Variants in DSCAM observed in about 807,000 individuals in gnomAD.
DSCAM encodes the protein cell adhesion molecule DSCAM.
A neutral mutation model predicts 217.7 loss-of-function variants in DSCAM; 47 were observed. The ratio of observed to expected loss-of-function variants is 0.22; its 90% CI spans 0.17 to 0.28. DSCAM has a LOEUF of 0.28. Among genes scored for constraint, DSCAM ranks in the 10% least tolerant of loss-of-function variants. The pLI is 1.00. For synonymous variants in DSCAM, 1,056 were observed against 1,015.3 expected (o/e 1.04, Z -0.76); for missense variants, 2,080 against 2,618.3 (o/e 0.79, Z 4.49).
intron 1 of DSCAM, among the ~76,000 whole-genome samples, chr21:40,838,835 T>C (rs959075154): frequency 6.6e-6 from 1 of 152,218 alleles, no homozygotes; most frequent in South Asian, 2.1e-4. Context: ...CATCATCTTC[T>C]AGGGCAGGTC....
intron 16 of DSCAM, among the ~76,000 whole-genome samples, chr21:40,158,393 C>CAAAACA (rs1008300894): frequency 3.3e-5 from 5 of 150,538 alleles, no homozygotes; most frequent in Admixed American, 3.3e-4. Context: ...GACCCTGTCT[C>CAAAACA]AAAACAAAAA....
chr21:40,652,889 G>A (rs1233866630), intron 3 of DSCAM, among the ~76,000 whole-genome samples: 1 of 152,168 alleles, frequency 6.6e-6, no homozygotes, highest in African/African-American at 2.4e-5. Flanking sequence ...AACCTCTGGA[G>A]GAGGGGTTGG....
intron 3 of DSCAM, among the ~76,000 whole-genome samples, chr21:40,564,627 T>C (rs1187217314): frequency 1.3e-5 from 2 of 152,150 alleles, no homozygotes; most frequent in Admixed American, 1.3e-4. Flanking sequence ...AGCCACTTTG[T>C]TCCTTTCTCT....
intron 15 of DSCAM, among the ~76,000 whole-genome samples, chr21:40,171,164 A>G (rs1483659536): frequency 6.6e-6 from 1 of 152,112 alleles, no homozygotes; most frequent in Non-Finnish European, 1.5e-5. Context: ...TGCAACCTCT[A>G]CCGCCCAGGT....
intron 1 of DSCAM, among the ~76,000 whole-genome samples, chr21:40,731,548 C>G (rs1207791577): frequency 6.6e-6 from 1 of 152,090 alleles, no homozygotes; most frequent in Non-Finnish European, 1.5e-5. Flanking sequence ...GCAGTATCCA[C>G]AGGGTTGGTT....
chr21:40,637,624 C>CTATATAT (rs1265414818), intron 3 of DSCAM, among the ~76,000 whole-genome samples: 8 of 33,298 alleles, frequency 2.4e-4, no homozygotes, highest in African/African-American at 6.5e-4. Context: ...TAAATATATA[C>CTATATAT]ATATATAAAT....
chr21:40,425,669 CAAAA>C (rs34174337), intron 3 of DSCAM, among the ~76,000 whole-genome samples: 13 of 68,996 alleles, frequency 1.9e-4, no homozygotes, highest in Non-Finnish European at 2.4e-4. Context: ...ACTCGGTGTC[CAAAA>C]AAAAAAAAAA....
At chr21:40,518,561 C>T in intron 3 of DSCAM, among the ~76,000 whole-genome samples, 5 of 78,302 alleles carry the variant, frequency 6.4e-5, no homozygotes, top group African/African-American at 3.3e-4. Context: ...CATATACACA[C>T]ACACATATAT....
chr21:40,507,882 AC>A (rs2076222244), intron 3 of DSCAM, among the ~76,000 whole-genome samples: 3 of 152,026 alleles, frequency 2.0e-5, no homozygotes, highest in Admixed American at 2.0e-4. Flanking sequence ...CTTTCTCTGT[AC>A]CCCCTCGCCC....
Position 40,338,157 on chromosome 21 carries a change from T to C in DSCAM, c.1727A>G (p.Asn576Ser), listed in dbSNP as rs1263782345. 2 of 1,614,134 alleles carry C rather than the reference T, an allele frequency of 1.2e-6. No individual in the cohort carries two copies. Among genetic ancestry groups the C allele is most frequent in the African/African-American group, 2.7e-5 (2 of 74,952 alleles). ...GGAGAGTTGTGGTTGAACCAACACG[T>C]TGCACGTGTACTCCCCCTCGTCCAC... ...KEVDEGEYTCNVLVQPQLSTS... is the reference protein window; with the variant it reads ...KEVDEGEYTCSVLVQPQLSTS... Residue 576 changes from asparagine (N) to serine (S), a missense_variant, in exon 8 of 33, where the codon AAC becomes AGC. Asn to Ser is a conservative substitution (Grantham distance 46). This residue lies in a region of DSCAM where 218 missense variants were observed against 364.1 expected (regional missense o/e 0.60). Transcript: ENST00000400454.
chr21:40,075,496 G>A (rs182541958), intron 26 of DSCAM, among the ~76,000 whole-genome samples: 1 of 152,266 alleles, frequency 6.6e-6, no homozygotes, highest in East Asian at 1.9e-4. Context: ...CCCAGGCTTG[G>A]TGCTGACAAA....
At chr21:40,209,671 G>A (rs2091163380) in intron 11 of DSCAM, among the ~76,000 whole-genome samples, 1 of 151,988 alleles carries the variant, frequency 6.6e-6, no homozygotes, top group Admixed American at 6.6e-5. Flanking sequence ...TGGATTCCAG[G>A]TCCCCAAGGC....
chr21:40,646,781 C>T (rs1276399857), intron 3 of DSCAM, among the ~76,000 whole-genome samples: 1 of 152,202 alleles, frequency 6.6e-6, no homozygotes, highest in Non-Finnish European at 1.5e-5. Context: ...ACTCTTGTTT[C>T]CAATCTCTTC....
intron 2 of DSCAM, among the ~76,000 whole-genome samples, chr21:40,705,944 G>A (rs530315644): frequency 6.6e-6 from 1 of 152,294 alleles, no homozygotes; most frequent in African/African-American, 2.4e-5. Context: ...ACTTTGGGAG[G>A]CCGAGGTGGG....
intron 1 of DSCAM, among the ~76,000 whole-genome samples, chr21:40,767,319 A>T (rs2091402400): frequency 6.6e-6 from 1 of 152,106 alleles, no homozygotes; most frequent in African/African-American, 2.4e-5. Flanking sequence ...TGGTGACGTG[A>T]GAATTGGGCA....
chr21:40,230,126 T>C (rs2091368698), intron 11 of DSCAM, among the ~76,000 whole-genome samples: 1 of 152,234 alleles, frequency 6.6e-6, no homozygotes, highest in South Asian at 2.1e-4. Context: ...TCATCATATG[T>C]TCATAAGAAA....
chr21:40,123,076 A>G (rs2090052216), intron 20 of DSCAM, among the ~76,000 whole-genome samples: 1 of 152,184 alleles, frequency 6.6e-6, no homozygotes. Context: ...TTCCACATGC[A>G]TGAGGTCCCT....
At chr21:40,217,660 A>G (rs761450949) in intron 11 of DSCAM, among the ~76,000 whole-genome samples, 2 of 152,106 alleles carry the variant, frequency 1.3e-5, no homozygotes, top group African/African-American at 2.4e-5. Context: ...CCTCTCCAGC[A>G]TGTGTTATTT....
intron 2 of DSCAM, among the ~76,000 whole-genome samples, chr21:40,694,750 C>T (rs1416427775): frequency 2.0e-5 from 3 of 151,822 alleles, no homozygotes. Context: ...AAGAGACTGA[C>T]CTCAGCAACA....
Sources: gnomAD v4.1 joint callset for allele counts (sites outside exome capture counted in the v4.1 genomes callset) on GRCh38, gnomAD v4.1.1 for gene constraint, gnomAD v4.1.1 regional missense constraint, MANE v1.5 for transcripts, NCBI Gene and HGNC (gene_info 2026-07-23, HGNC 2026-07-21) for gene names.